Variants in PM20D2 observed in about 807,000 individuals in gnomAD.
PM20D2 encodes the protein peptidase M20 domain containing 2, also known as xaa-Arg dipeptidase.
PM20D2 carries 33 observed loss-of-function variants against 42.9 expected under a neutral mutation model. That is an observed-to-expected ratio of 0.77 (90% CI 0.58 to 1.03). The LOEUF (loss-of-function observed/expected upper bound fraction) is 1.03. Ranked by LOEUF, PM20D2 falls within the 50% of genes least tolerant of loss-of-function variation. The pLI is 0.00. For synonymous variants in PM20D2, 250 were observed against 228.2 expected (o/e 1.10, Z -0.86); for missense variants, 548 against 557.0 (o/e 0.98, Z 0.16).
the PM20D2 span, chr6:89,105,517 G>T: frequency 6.2e-7 from 1 of 1,602,834 alleles, no homozygotes; most frequent in South Asian, 1.1e-5. Context: ...TCAGCATCTC[G>T]AACATCTTCA....
the PM20D2 span, among the ~76,000 whole-genome samples, chr6:89,108,066 G>A: frequency 1.3e-5 from 2 of 152,140 alleles, no homozygotes; most frequent in Admixed American, 6.5e-5. Context: ...AAAAATGGAT[G>A]TTTTAATATT....
chr6:89,146,349 G>A lies in PM20D2; in HGVS notation c.205G>A (p.Glu69Lys), dbSNP rs575939911. 6 of 1,558,972 alleles carry A rather than the reference G, an allele frequency of 3.8e-6. No homozygotes were observed. In the East Asian group the frequency reaches 1.4e-4, roughly 36 times the overall value. ...HRVLTHFFER[E>K]PPAASWAVQP... ...CGTGCTGACGCACTTCTTCGAGCGG[G>A]AGCCGCCCGCGGCCTCCTGGGCAGT... Residue 69 changes from glutamate (E) to lysine (K), a missense_variant, in exon 1 of 7, where the codon GAG becomes AAG. Glu to Lys is a moderately conservative substitution (Grantham distance 56, BLOSUM62 1). This residue lies in a region of PM20D2 where 470 missense variants were observed against 464.4 expected (regional missense o/e 1.01). Transcript: ENST00000275072.
chr6:89,146,256 C>G lies in PM20D2; in HGVS notation c.112C>G (p.Leu38Val), dbSNP rs1485162529. 6.3e-6 allele frequency: 10 copies of G among 1,579,492 alleles called. No homozygotes were observed. Among genetic ancestry groups the G allele is most frequent in the Non-Finnish European group, 7.7e-6 (9 of 1,170,746 alleles). Residue 38 changes from leucine (L) to valine (V), a missense_variant, in exon 1 of 7, where the codon CTG (leucine) becomes GTG (valine). By Grantham distance (32) the Leu-to-Val change is conservative (BLOSUM62 1). Around this residue, in one of 3 missense-constraint regions of PM20D2, gnomAD observed 470 missense variants for 464.4 expected, o/e 1.01. Transcript: ENST00000275072. ...GTGCATCGACGAGGCGGCCGAGCGG[C>G]TGGGGGCCCTGAGCCGCGCGATCTG... is the stretch of plus-strand genomic sequence containing the variant. Reference protein sequence around the residue: ...AECIDEAAERLGALSRAIWSQ... With the variant: ...AECIDEAAERVGALSRAIWSQ...
chr6:89,117,914 C>T, the PM20D2 span: 5 of 1,552,328 alleles, frequency 3.2e-6, no homozygotes, highest in East Asian at 2.7e-5. Flanking sequence ...CCCTCCGGGT[C>T]TGCCCGCGGC....
the PM20D2 span, among the ~76,000 whole-genome samples, chr6:89,116,062 T>C: frequency 6.6e-6 from 1 of 152,250 alleles, no homozygotes; most frequent in African/African-American, 2.4e-5. Context: ...GATGTCTACA[T>C]GGCAGCTGTC....
At chr6:89,139,623 G>T in the PM20D2 span, among the ~76,000 whole-genome samples, 1 of 152,170 alleles carries the variant, frequency 6.6e-6, no homozygotes, top group African/African-American at 2.4e-5. Context: ...GTGGAGGATT[G>T]CTTGAGCCTG....
At chr6:89,115,493 G>A in the PM20D2 span, among the ~76,000 whole-genome samples, 12 of 151,654 alleles carry the variant, frequency 7.9e-5, no homozygotes, top group African/African-American at 2.9e-4. Flanking sequence ...GGTAGGCCAG[G>A]TTGGTCTCGA....
chr6:89,148,091 G>C (rs989419555), intron 1 of PM20D2, among the ~76,000 whole-genome samples: 1 of 146,648 alleles, frequency 6.8e-6, no homozygotes, highest in Admixed American at 7.0e-5. Context: ...GGCGATCCTC[G>C]TGCTTCAGCC....
the PM20D2 span, among the ~76,000 whole-genome samples, chr6:89,138,043 C>G: frequency 1.3e-5 from 2 of 150,010 alleles, no homozygotes; most frequent in Non-Finnish European, 3.0e-5. Context: ...GTGCTATGGT[C>G]AAATCTGGGG....
At chr6:89,147,466 T>G (rs1770628566) in intron 1 of PM20D2, among the ~76,000 whole-genome samples, 1 of 152,200 alleles carries the variant, frequency 6.6e-6, no homozygotes, top group South Asian at 2.1e-4. Context: ...TTTAGCTGCC[T>G]TCTTTTTTCT....
In PM20D2 at chr6:89,164,520, G is replaced by A. The variant is rs1045982; in HGVS notation, c.*2257G>A. ...TTTTTTGATCATTAAATCAAATTTT[G>A]TAAACAGTGGCAGGAGCGTGGACTT... is the stretch of plus-strand genomic sequence containing the variant. On this transcript the variant is annotated 3_prime_UTR_variant, in exon 7 of 7. Coordinates refer to ENST00000275072, the MANE Select transcript of PM20D2 (RefSeq NM_001010853.3). The A allele has an allele frequency of 1.3e-5, 2 of 152,522 alleles. No individual in the cohort carries two copies. Among genetic ancestry groups the A allele is most frequent in the African/African-American group, 2.4e-5 (1 of 41,406 alleles). The allele number at this position is 152,522 out of a possible 1,614,324, so 9.4% of individuals were successfully genotyped here. A position where few individuals can be genotyped will look rare whatever the true frequency, so the allele number is the denominator to read the frequency against.
At chr6:89,155,856 C>T (rs187664025) in intron 4 of PM20D2, among the ~76,000 whole-genome samples, 7 of 151,356 alleles carry the variant, frequency 4.6e-5, no homozygotes, top group Non-Finnish European at 8.8e-5. Flanking sequence ...GGACTACAGG[C>T]GCTTGCCACC....
chr6:89,162,541 G>A lies in PM20D2; in HGVS notation c.*278G>A. ...CGCAACCACTCACCTTCACAGTAGT[G>A]ATACCATTTCTTAACCTGGAGGATA... On this transcript the variant is annotated 3_prime_UTR_variant, in exon 7 of 7. Transcript: ENST00000275072. The A allele has an allele frequency of 8.2e-6, 2 of 244,432 alleles. No individual in the cohort carries two copies. The highest frequency in any genetic ancestry group is 1.6e-5 in the Non-Finnish European group (2 of 127,952). The allele number at this position is 244,432 out of a possible 1,614,324, so 15.1% of individuals were successfully genotyped here.
the PM20D2 span, among the ~76,000 whole-genome samples, chr6:89,135,282 A>G: frequency 3.3e-5 from 5 of 151,540 alleles, no homozygotes; most frequent in East Asian, 9.6e-4. Flanking sequence ...AAAGTCTAGC[A>G]TAATTGATTT....
the PM20D2 span, among the ~76,000 whole-genome samples, chr6:89,131,904 A>G: frequency 2.0e-5 from 3 of 152,164 alleles, no homozygotes; most frequent in Non-Finnish European, 2.9e-5. Flanking sequence ...GTTGGCCAGA[A>G]GCTGACTTTA....
In PM20D2 at chr6:89,164,845, A is replaced by G. The variant is rs533774449; in HGVS notation, c.*2582A>G. On this transcript the variant is annotated 3_prime_UTR_variant, in exon 7 of 7. Coordinates refer to ENST00000275072, the MANE Select transcript of PM20D2 (RefSeq NM_001010853.3). ...TGCTCAACTTTTTTACAAGAGTGATATTAACTTGGATTTATTTTTCAATAT... is the reference window on the plus strand; with the variant it reads ...TGCTCAACTTTTTTACAAGAGTGATGTTAACTTGGATTTATTTTTCAATAT... The G allele has an allele frequency of 7.3e-5, 11 of 151,312 alleles. No homozygotes were observed. In the South Asian group the frequency reaches 2.3e-3, roughly 31 times the overall value. 9.4% of individuals were successfully genotyped at this position (151,312 alleles called of 1,614,324 possible). A position where few individuals can be genotyped will look rare whatever the true frequency, so the allele number is the denominator to read the frequency against.
chr6:89,112,195 C>A, the PM20D2 span, among the ~76,000 whole-genome samples: 1 of 152,006 alleles, frequency 6.6e-6, no homozygotes, highest in Non-Finnish European at 1.5e-5. Flanking sequence ...GAATTACAGG[C>A]ATGAGCCACC....
the PM20D2 span, among the ~76,000 whole-genome samples, chr6:89,125,929 T>C: frequency 1.0e-3 from 158 of 150,550 alleles, 1 homozygote; most frequent in Non-Finnish European, 1.7e-3. Context: ...CTAGTAAAAA[T>C]ACAAAAATTA....
the PM20D2 span, among the ~76,000 whole-genome samples, chr6:89,130,819 C>CCTTTTTTTTTTTT: frequency 8.3e-5 from 2 of 24,038 alleles, no homozygotes; most frequent in African/African-American, 2.9e-4. Flanking sequence ...GCTTCTTCTT[C>CCTTTTTTTTTTTT]TTTTTTTTTT....
Sources: gnomAD v4.1 joint callset for allele counts (sites outside exome capture counted in the v4.1 genomes callset) on GRCh38, gnomAD v4.1.1 for gene constraint, gnomAD v4.1.1 regional missense constraint, MANE v1.5 for transcripts, NCBI Gene and HGNC (gene_info 2026-07-23, HGNC 2026-07-21) for gene names.